The following DNAH12 variants were observed in gnomAD, a reference collection of about 807,000 sequenced individuals.
The protein encoded by DNAH12 is dynein axonemal heavy chain 12.
A neutral mutation model predicts 371.5 loss-of-function variants in DNAH12; 285 were observed. The ratio of observed to expected loss-of-function variants is 0.77; its 90% CI spans 0.70 to 0.85. The LOEUF is 0.85. DNAH12 is among the 40% of genes least tolerant of loss of function. The probability of loss-of-function intolerance (pLI) is 0.00; values close to 1 mark genes in which losing one functional copy is unlikely to be tolerated. For missense variants in DNAH12, 3,611 were observed against 3,689.4 expected, an observed-to-expected ratio of 0.98 and a Z score of 0.55; for synonymous variants, 1,200 against 1,213.0, an observed-to-expected ratio of 0.99 and a Z score of 0.22.
Position 57,502,446 on chromosome 3 carries a change from T to C in DNAH12, c.1120A>G (p.Thr374Ala). The change falls in exon 10 of 74, where the codon ACT becomes GCT. Residue 374 changes from threonine to alanine, a missense_variant. By Grantham distance (58) the Thr-to-Ala change is moderately conservative. Transcript: ENST00000495027. ...VQTIPSWLSG[T>A]STPVNLDTEL... ...GTGTCAAGATTTACTGGTGTTGAAG[T>C]TCCTGATAGCCAAGAGGGGATTGTT... 6.2e-7 allele frequency: 1 copy of C among 1,614,208 alleles called. No homozygotes were observed. The highest frequency in any genetic ancestry group is 8.5e-7 in the Non-Finnish European group (1 of 1,180,030).
intron 8 of DNAH12, among the ~76,000 whole-genome samples, chr3:57,506,815 A>C (rs1575702695): frequency 6.6e-6 from 1 of 152,250 alleles, no homozygotes; most frequent in East Asian, 1.9e-4. Context: ...ACTGGAACTT[A>C]GAAACATGCA....
At chr3:57,525,291 T>C (rs1478442263) in intron 2 of DNAH12, among the ~76,000 whole-genome samples, 1 of 152,130 alleles carries the variant, frequency 6.6e-6, no homozygotes, top group Non-Finnish European at 1.5e-5. Context: ...ACTTAAATAG[T>C]ATCCATGAAG....
chr3:57,428,022 G>A (rs1300945919), intron 34 of DNAH12, among the ~76,000 whole-genome samples: 1 of 151,738 alleles, frequency 6.6e-6, no homozygotes. Context: ...TCCATCTCCT[G>A]GGTTCCAGTG....
At chr3:57,349,557 C>T (rs1423749115) in intron 60 of DNAH12, among the ~76,000 whole-genome samples, 1 of 152,172 alleles carries the variant, frequency 6.6e-6, no homozygotes, top group Non-Finnish European at 1.5e-5. Flanking sequence ...AAATATGAAA[C>T]CAGCCCAAAT....
intron 59 of DNAH12, among the ~76,000 whole-genome samples, chr3:57,353,002 T>C (rs1042472221): frequency 4.6e-5 from 7 of 151,912 alleles, no homozygotes; most frequent in Non-Finnish European, 8.8e-5. Flanking sequence ...GGCAGGAGAA[T>C]TGCTTGAACC....
In DNAH12 at chr3:57,451,705, G is replaced by A. The variant is rs2065759927; in HGVS notation, c.3786+1138C>T. Among the ~76,000 whole-genome samples the A allele has an allele frequency of 2.0e-5, 3 of 152,118 alleles. No individual in the cohort carries two copies. In the South Asian group the frequency reaches 6.2e-4, roughly 32 times the overall value. On this transcript the variant is annotated intron_variant, in intron 25 of 73. Coordinates refer to ENST00000495027, the MANE Select transcript of DNAH12 (RefSeq NM_001366028.2). ...AGCTAGTCAGGTATGAGCAGAGCCG[G>A]AGAGCGCGCCTCACCCCACACACAC...
rs1169127937 is a variant in DNAH12, at chr3:57,483,561, A to G, written c.1515-50T>C. The G allele has an allele frequency of 2.0e-6, 3 of 1,480,904 alleles. 1 individual carries two copies. The highest frequency in any genetic ancestry group is 5.0e-5 in the East Asian group (2 of 40,360). 91.7% of individuals were successfully genotyped at this position (1,480,904 alleles called of 1,614,324 possible). ...GACTTATGGCAATTAATGTTATATCATATTCAATAAATGTGTGTTATGACG... is the reference window on the plus strand; with the variant it reads ...GACTTATGGCAATTAATGTTATATCGTATTCAATAAATGTGTGTTATGACG... On this transcript the variant is annotated intron_variant, in intron 12 of 73. Transcript: ENST00000495027.
At chr3:57,551,052 G>A in the DNAH12 span, among the ~76,000 whole-genome samples, 3 of 151,378 alleles carry the variant, frequency 2.0e-5, no homozygotes, top group African/African-American at 7.3e-5. Context: ...ATTTTTAGTA[G>A]AGATGGGGTT....
intron 55 of DNAH12, among the ~76,000 whole-genome samples, chr3:57,374,036 T>C (rs1346895655): frequency 6.6e-6 from 1 of 152,220 alleles, no homozygotes; most frequent in African/African-American, 2.4e-5. Context: ...TTATCTCATC[T>C]AAAAGAAGAG....
intron 62 of DNAH12, among the ~76,000 whole-genome samples, chr3:57,326,576 G>A (rs781506655): frequency 1.3e-5 from 2 of 152,094 alleles, no homozygotes; most frequent in African/African-American, 4.8e-5. Flanking sequence ...ACATGGAAAG[G>A]AACAACCAGT....
At chr3:57,425,195 A>G in intron 34 of DNAH12, 54 bp from the exon 35 acceptor site, 1 of 670,466 alleles carries the variant, frequency 1.5e-6, no homozygotes, top group Non-Finnish European at 2.7e-6. Flanking sequence ...TTAGAAAATA[A>G]GAAAAACACT....
chr3:57,535,692 G>A (rs971071150), intron 2 of DNAH12, among the ~76,000 whole-genome samples: 192 of 151,726 alleles, frequency 1.3e-3, no homozygotes, highest in African/African-American at 4.5e-3. Flanking sequence ...ACAGGCATGT[G>A]CCACCACACC....
At chr3:57,380,077 CTT>C (rs2063357719) in intron 51 of DNAH12, among the ~76,000 whole-genome samples, 199 bp downstream of exon 51, 1 of 151,970 alleles carries the variant, frequency 6.6e-6, no homozygotes, top group East Asian at 1.9e-4. Context: ...TCTTAAATAA[CTT>C]TTTAACTATC....
chr3:57,555,548 TAAC>T, the DNAH12 span, among the ~76,000 whole-genome samples: 3 of 152,104 alleles, frequency 2.0e-5, no homozygotes, highest in African/African-American at 7.2e-5. Context: ...TAATAAAAAA[TAAC>T]AAACAGCCTT....
At chr3:57,435,732 G>C in intron 30 of DNAH12, among the ~76,000 whole-genome samples, 1 of 152,004 alleles carries the variant, frequency 6.6e-6, no homozygotes, top group Non-Finnish European at 1.5e-5. Context: ...TCAGGAGGGA[G>C]GATCACTTGA....
chr3:57,389,493 CTTG>C (rs2063564965), intron 45 of DNAH12, among the ~76,000 whole-genome samples: 1 of 152,036 alleles, frequency 6.6e-6, no homozygotes, highest in South Asian at 2.1e-4. Context: ...TTCTTTCCGT[CTTG>C]TTGTTCCCTT....
chr3:57,427,377 A>C (rs919647055), intron 34 of DNAH12, among the ~76,000 whole-genome samples: 4 of 152,134 alleles, frequency 2.6e-5, no homozygotes, highest in Non-Finnish European at 5.9e-5. Flanking sequence ...GAGGAGAGAC[A>C]TGTGGAGTAG....
intron 34 of DNAH12, 33 bp downstream of exon 34, chr3:57,428,600 A>G (rs1160700161): frequency 6.6e-7 from 1 of 1,510,438 alleles, no homozygotes; most frequent in African/African-American, 1.4e-5. Context: ...GGAAACAAAG[A>G]AACTTGAATA....
intron 37 of DNAH12, among the ~76,000 whole-genome samples, chr3:57,417,374 C>T (rs911620776): frequency 3.9e-5 from 6 of 152,152 alleles, no homozygotes; most frequent in African/African-American, 1.4e-4. Context: ...AAAACTGTTA[C>T]TGAAATATGA....
Sources: allele counts gnomAD v4.1 joint callset (sites outside exome capture counted in the v4.1 genomes callset), GRCh38; gene constraint gnomAD v4.1.1; transcripts MANE v1.5; gene names NCBI Gene and HGNC (gene_info 2026-07-23, HGNC 2026-07-21).